Variants in C4orf36 observed in about 807,000 individuals in gnomAD.
C4orf36 encodes the protein chromosome 4 open reading frame 36.
In C4orf36, 11 loss-of-function variants were observed where a neutral mutation model predicts 12.2. That is an observed-to-expected ratio of 0.90 (90% CI 0.57 to 1.49). The LOEUF (loss-of-function observed/expected upper bound fraction) is 1.49, where lower values mean the gene tolerates loss of function less well. Among genes scored for constraint, C4orf36 ranks in the 40% most tolerant of loss-of-function variants. C4orf36 has a pLI of 0.00. For missense variants in C4orf36, 137 were observed against 133.9 expected, an observed-to-expected ratio of 1.02 and a Z score of -0.11; for synonymous variants, 54 against 51.3, an observed-to-expected ratio of 1.05 and a Z score of -0.22.
At chr4:86,912,887 G>A in the C4orf36 span, among the ~76,000 whole-genome samples, 599 of 151,288 alleles carry the variant, frequency 4.0e-3, 5 homozygotes, top group African/African-American at 0.014. Flanking sequence ...CCATCCACAA[G>A]GTTCATTCTA....
At chr4:86,891,361 G>T in intron 2 of C4orf36, 95 bp downstream of exon 2, 1 of 1,128,988 alleles carries the variant, frequency 8.9e-7, no homozygotes, top group South Asian at 1.3e-5. Context: ...AGTATCTCAT[G>T]GGGAGCACAG....
chr4:86,931,184 C>G, the C4orf36 span, among the ~76,000 whole-genome samples: 1 of 152,164 alleles, frequency 6.6e-6, no homozygotes, highest in Non-Finnish European at 1.5e-5. Flanking sequence ...TTTTCCTGTC[C>G]TATTTCATAT....
chr4:86,905,540 A>G, the C4orf36 span, among the ~76,000 whole-genome samples: 1 of 152,072 alleles, frequency 6.6e-6, no homozygotes, highest in African/African-American at 2.4e-5. Context: ...GTGACAGAGC[A>G]AGATCCTGTC....
At chr4:86,900,839 C>A in the C4orf36 span, among the ~76,000 whole-genome samples, 23,867 of 152,152 alleles carry the variant, frequency 0.16, 2,199 homozygotes, top group Middle Eastern at 0.21. Context: ...CCCTGCACCA[C>A]CTCTGACAAG....
At chr4:86,915,570 G>A in the C4orf36 span, among the ~76,000 whole-genome samples, 31 of 152,108 alleles carry the variant, frequency 2.0e-4, no homozygotes, top group Non-Finnish European at 4.1e-4. Context: ...GATCACCTGA[G>A]GTTGGGAGTT....
chr4:86,882,748 A>G (rs1357004877), intron 4 of C4orf36, among the ~76,000 whole-genome samples: 2 of 152,184 alleles, frequency 1.3e-5, no homozygotes, highest in Admixed American at 6.5e-5. Flanking sequence ...ACCCCACCCC[A>G]AAGTGAACAT....
the C4orf36 span, among the ~76,000 whole-genome samples, chr4:86,908,867 G>A: frequency 6.6e-6 from 1 of 152,142 alleles, no homozygotes; most frequent in Non-Finnish European, 1.5e-5. Context: ...AGGTGGGCAA[G>A]TTCCAGTGTG....
Position 86,891,516 on chromosome 4 carries a change from G to T in C4orf36, c.5C>A (p.Ala2Glu). The change falls in exon 2 of 5, where the codon GCG becomes GAG. Residue 2 changes from alanine to glutamate, a missense_variant. Physicochemically the swap from Ala to Glu is moderately radical, Grantham distance 107 (BLOSUM62 -1). Transcript: ENST00000295898. MAYGVPRKNTVK... is the reference protein window; with the variant it reads MEYGVPRKNTVK... ...TGTGTTCTTTCTTGGCACTCCATAC[G>T]CCATGGTGAGTTATTACGGTATGAT... 1 of 1,613,788 alleles carries T rather than the reference G, an allele frequency of 6.2e-7. No homozygotes were observed. The highest frequency in any genetic ancestry group is 8.5e-7 in the Non-Finnish European group (1 of 1,179,866).
the C4orf36 span, among the ~76,000 whole-genome samples, chr4:86,921,079 C>T: frequency 6.6e-6 from 1 of 151,512 alleles, no homozygotes; most frequent in East Asian, 1.9e-4. Flanking sequence ...GCAGGATAAT[C>T]ACTTGAATCT....
the C4orf36 span, among the ~76,000 whole-genome samples, chr4:86,918,100 T>A: frequency 2.0e-5 from 3 of 152,200 alleles, no homozygotes; most frequent in Admixed American, 2.0e-4. Context: ...GTGACAGGTC[T>A]CTCTCAGTCC....
chr4:86,924,797 T>C, the C4orf36 span: 2 of 152,264 alleles, frequency 1.3e-5, no homozygotes, highest in Non-Finnish European at 2.9e-5. Flanking sequence ...CATATTTGTG[T>C]GCTAGCACAT....
At chr4:86,893,280 A>AGATGGGCCAGGCACGGTG (rs1422815596), upstream of C4orf36, among the ~76,000 whole-genome samples, 1 of 152,190 alleles carries the variant, frequency 6.6e-6, no homozygotes, top group African/African-American at 2.4e-5. Context: ...AGATAAACAC[A>AGATGGGCCAGGCACGGTG]GATGGGCCAG....
the C4orf36 span, among the ~76,000 whole-genome samples, chr4:86,912,119 C>T: frequency 6.6e-6 from 1 of 152,200 alleles, no homozygotes; most frequent in African/African-American, 2.4e-5. Context: ...AGGTGATCCA[C>T]CCACCTCAGC....
chr4:86,922,790 A>G, the C4orf36 span, among the ~76,000 whole-genome samples: 2 of 152,076 alleles, frequency 1.3e-5, no homozygotes, highest in African/African-American at 2.4e-5. Context: ...ATTTACACAT[A>G]TAATTTCTCT....
chr4:86,894,790 A>C (rs1409966449), upstream of C4orf36, among the ~76,000 whole-genome samples: 1 of 152,288 alleles, frequency 6.6e-6, no homozygotes, highest in East Asian at 1.9e-4. Context: ...GCCATTTGAA[A>C]GGACACTCAA....
upstream of C4orf36, among the ~76,000 whole-genome samples, chr4:86,893,864 T>A (rs561341803): frequency 0.011 from 1,537 of 138,360 alleles, 59 homozygotes; most frequent in African/African-American, 0.039. Flanking sequence ...TGGCCTGAAT[T>A]TTTATTTATT....
intron 4 of C4orf36, among the ~76,000 whole-genome samples, chr4:86,880,036 T>C (rs897810600): frequency 1.3e-5 from 2 of 152,100 alleles, no homozygotes; most frequent in Non-Finnish European, 2.9e-5. Context: ...TTATTTTTTG[T>C]AGAGATGAGG....
the C4orf36 span, among the ~76,000 whole-genome samples, chr4:86,902,210 C>T: frequency 6.6e-6 from 1 of 152,082 alleles, no homozygotes; most frequent in South Asian, 2.1e-4. Context: ...TGTTTGAGCT[C>T]AGGAATTCAA....
At chr4:86,914,268 T>G in the C4orf36 span, 1 of 1,602,706 alleles carries the variant, frequency 6.2e-7, no homozygotes, top group East Asian at 2.2e-5. Flanking sequence ...GACATAGGCA[T>G]TGTGGTCTGC....
Sources: allele counts gnomAD v4.1 joint callset (sites outside exome capture counted in the v4.1 genomes callset), GRCh38; gene constraint gnomAD v4.1.1; transcripts MANE v1.5; gene names NCBI Gene and HGNC (gene_info 2026-07-23, HGNC 2026-07-21).